Variants in TMC1 observed in about 807,000 individuals in gnomAD.
TMC1 encodes the protein transmembrane channel like 1.
Under a neutral mutation model 105.8 loss-of-function variants are expected in TMC1, and 84 were observed. That is an observed-to-expected ratio of 0.79 (90% CI 0.67 to 0.95). The LOEUF (loss-of-function observed/expected upper bound fraction) is 0.95, where lower values mean the gene tolerates loss of function less well. Among genes scored for constraint, TMC1 ranks in the 40% least tolerant of loss-of-function variants. The pLI is 0.00. For synonymous variants in TMC1, 315 were observed against 311.5 expected, an observed-to-expected ratio of 1.01 and a Z score of -0.12; for missense variants, 817 against 914.1, an observed-to-expected ratio of 0.89 and a Z score of 1.37.
chr9:72,601,285 C>T (rs1347701356), intron 2 of TMC1, among the ~76,000 whole-genome samples: 2 of 152,016 alleles, frequency 1.3e-5, no homozygotes, highest in African/African-American at 4.8e-5. Context: ...GGAGGAGGAT[C>T]ACTTGAAACA....
chr9:72,665,916 T>A (rs960705967), intron 5 of TMC1, among the ~76,000 whole-genome samples: 8 of 152,200 alleles, frequency 5.3e-5, no homozygotes, highest in African/African-American at 1.7e-4. Context: ...AAGAATGACC[T>A]GCATGATGGC....
intron 5 of TMC1, among the ~76,000 whole-genome samples, chr9:72,661,767 A>T (rs1458918320): frequency 1.3e-5 from 2 of 152,230 alleles, no homozygotes; most frequent in African/African-American, 4.8e-5. Context: ...AAATTTTTGA[A>T]ATTAAATTAC....
intron 13 of TMC1, among the ~76,000 whole-genome samples, chr9:72,779,049 G>A (rs1828050965): frequency 6.6e-6 from 1 of 152,180 alleles, no homozygotes; most frequent in African/African-American, 2.4e-5. Context: ...ATGGAGCATT[G>A]TTGTTAACAG....
chr9:72,537,812 T>C (rs1823608597), intron 1 of TMC1, among the ~76,000 whole-genome samples: 2 of 152,106 alleles, frequency 1.3e-5, no homozygotes, highest in Non-Finnish European at 2.9e-5. Context: ...TGGCAATGGT[T>C]GAATGAGTTA....
chr9:72,790,071 T>G (rs1828240440), intron 15 of TMC1, among the ~76,000 whole-genome samples: 1 of 152,148 alleles, frequency 6.6e-6, no homozygotes, highest in Admixed American at 6.5e-5. Flanking sequence ...TCATTGGTCA[T>G]GAGTTGTTGC....
intron 18 of TMC1, among the ~76,000 whole-genome samples, chr9:72,809,882 C>T (rs1828668932): frequency 6.6e-6 from 1 of 152,048 alleles, no homozygotes; most frequent in Non-Finnish European, 1.5e-5. Flanking sequence ...TTTTCTCTTA[C>T]AAGCTCCCGA....
chr9:72,572,566 C>T (rs1027106344), intron 1 of TMC1, among the ~76,000 whole-genome samples: 3 of 152,090 alleles, frequency 2.0e-5, no homozygotes, highest in Non-Finnish European at 2.9e-5. Context: ...AAGGAGGTGC[C>T]CATAGTCAAC....
intron 8 of TMC1, among the ~76,000 whole-genome samples, chr9:72,704,383 G>A (rs191332076): frequency 4.7e-4 from 72 of 152,318 alleles, no homozygotes; most frequent in Non-Finnish European, 9.0e-4. Context: ...ATATTTTAGA[G>A]TAAGCCTCAG....
intron 8 of TMC1, among the ~76,000 whole-genome samples, chr9:72,716,528 C>T (rs1231544237): frequency 6.6e-6 from 1 of 152,148 alleles, no homozygotes; most frequent in Non-Finnish European, 1.5e-5. Flanking sequence ...GAGCTTCGTC[C>T]AGTTTGAACT....
intron 13 of TMC1, among the ~76,000 whole-genome samples, chr9:72,774,047 C>G: frequency 6.6e-6 from 1 of 151,956 alleles, no homozygotes; most frequent in East Asian, 1.9e-4. Flanking sequence ...TTTTATTAGG[C>G]TATATTATAT....
intron 8 of TMC1, among the ~76,000 whole-genome samples, chr9:72,706,224 C>T (rs1264435002): frequency 6.6e-6 from 1 of 152,112 alleles, no homozygotes; most frequent in Non-Finnish European, 1.5e-5. Context: ...CTCCTGTTTT[C>T]TTGTAGCTTA....
rs907290925 is a variant in TMC1, at chr9:72,837,737, A to C, written c.*1764A>C. ...AGCCAATTTGCTTGCCATTCCCTGC[A>C]GTTGACTTACTGATTTCTATTATCC... On this transcript the variant is annotated 3_prime_UTR_variant, in exon 24 of 24. Transcript: ENST00000297784. The C allele has an allele frequency of 8.5e-5, 13 of 152,304 alleles. No homozygotes were observed. The highest frequency in any genetic ancestry group is 2.9e-4 in the African/African-American group (12 of 41,550). 9.4% of individuals were successfully genotyped at this position (152,304 alleles called of 1,614,324 possible). A position where few individuals can be genotyped will look rare whatever the true frequency, so the allele number is the denominator to read the frequency against.
chr9:72,614,558 CAAG>C (rs1825089074), intron 2 of TMC1, among the ~76,000 whole-genome samples: 1 of 152,108 alleles, frequency 6.6e-6, no homozygotes, highest in African/African-American at 2.4e-5. Context: ...TTAATTTTTG[CAAG>C]GTTTTCAAGG....
chr9:72,823,997 C>T (rs1272384274), intron 20 of TMC1, among the ~76,000 whole-genome samples: 1 of 152,362 alleles, frequency 6.6e-6, no homozygotes, highest in East Asian at 1.9e-4. Context: ...TGTACTGACA[C>T]AGGATGTTTC....
chr9:72,572,792 A>G (rs2132091489), intron 1 of TMC1, among the ~76,000 whole-genome samples: 1 of 152,050 alleles, frequency 6.6e-6, no homozygotes, highest in Non-Finnish European at 1.5e-5. Context: ...GGAGTTTGAG[A>G]CCAGCCTGGC....
chr9:72,630,852 T>C (rs1447391418), intron 4 of TMC1, among the ~76,000 whole-genome samples: 2 of 151,822 alleles, frequency 1.3e-5, no homozygotes, highest in Non-Finnish European at 2.9e-5. Context: ...TTTCTATTTT[T>C]ATACATTTTT....
At chr9:72,824,856 C>T (rs1393226735) in intron 20 of TMC1, among the ~76,000 whole-genome samples, 1 of 152,230 alleles carries the variant, frequency 6.6e-6, no homozygotes. Flanking sequence ...TGGACCTTGG[C>T]TTTCAGGCTT....
At chr9:72,672,250 T>C (rs1333371567) in intron 5 of TMC1, among the ~76,000 whole-genome samples, 1 of 152,132 alleles carries the variant, frequency 6.6e-6, no homozygotes, top group Non-Finnish European at 1.5e-5. Flanking sequence ...AAACGAAACA[T>C]ATTACTTAGT....
intron 5 of TMC1, among the ~76,000 whole-genome samples, chr9:72,662,955 G>A (rs557087306): frequency 3.4e-4 from 52 of 152,266 alleles, no homozygotes; most frequent in African/African-American, 1.2e-3. Flanking sequence ...CCACCCAAGG[G>A]GTTCATTTTG....
Sources: gnomAD v4.1 joint callset for allele counts (sites outside exome capture counted in the v4.1 genomes callset) on GRCh38, gnomAD v4.1.1 for gene constraint, MANE v1.5 for transcripts, NCBI Gene and HGNC (gene_info 2026-07-23, HGNC 2026-07-21) for gene names.